PHACTR3: variants seen among roughly 807,000 people sequenced by gnomAD.
PHACTR3 encodes protein phosphatase 1, regulatory subunit 123.
A neutral mutation model predicts 66.8 loss-of-function variants in PHACTR3; 16 were observed. That is an observed-to-expected ratio of 0.24 (90% confidence interval 0.16 to 0.36). The LOEUF is 0.36. PHACTR3 is among the 10% of genes least tolerant of loss of function. The pLI, the probability that PHACTR3 is intolerant of heterozygous loss-of-function variation, is 1.00. For synonymous variants in PHACTR3, 323 were observed against 292.1 expected (o/e 1.11, Z -1.08); for missense variants, 647 against 719.9 (o/e 0.90, Z 1.16).
At chr20:59,748,035 C>A (rs893563185) in intron 3 of PHACTR3, among the ~76,000 whole-genome samples, 200 bp downstream of exon 3, 1 of 152,204 alleles carries the variant, frequency 6.6e-6, no homozygotes, top group African/African-American at 2.4e-5. Context: ...ACGGGAGACC[C>A]CATTACTGAG....
intron 1 of PHACTR3, among the ~76,000 whole-genome samples, chr20:59,689,413 AGTT>A (rs1203044198): frequency 1.3e-5 from 2 of 152,150 alleles, no homozygotes; most frequent in African/African-American, 4.8e-5. Flanking sequence ...GGGGCTGAGG[AGTT>A]GTTGAGTCCT....
chr20:59,713,573 T>C (rs1022757706), intron 1 of PHACTR3, among the ~76,000 whole-genome samples: 3 of 152,224 alleles, frequency 2.0e-5, no homozygotes, highest in East Asian at 1.9e-4. Flanking sequence ...GATTGGTCCA[T>C]GTTACCGGGT....
At chr20:59,802,373 G>A (rs762214429) in intron 7 of PHACTR3, among the ~76,000 whole-genome samples, 2 of 152,218 alleles carry the variant, frequency 1.3e-5, no homozygotes, top group Admixed American at 1.3e-4. Flanking sequence ...AGCCAGCAAA[G>A]TAAACTGAGA....
At chr20:59,585,365 T>C (rs923296579) in intron 1 of PHACTR3, among the ~76,000 whole-genome samples, 2 of 152,182 alleles carry the variant, frequency 1.3e-5, no homozygotes, top group Non-Finnish European at 2.9e-5. Context: ...GACTCTCAGA[T>C]GCTTGTGCCT....
chr20:59,802,362 G>A (rs2041438366), intron 7 of PHACTR3, among the ~76,000 whole-genome samples: 1 of 152,214 alleles, frequency 6.6e-6, no homozygotes, highest in South Asian at 2.1e-4. Flanking sequence ...AGATGATGAA[G>A]AGCCAGCAAA....
At chr20:59,618,220 G>A (rs948826345) in intron 1 of PHACTR3, among the ~76,000 whole-genome samples, 1 of 152,230 alleles carries the variant, frequency 6.6e-6, no homozygotes, top group Admixed American at 6.5e-5. Context: ...AGTATGGCGG[G>A]ATGGGGCTGC....
At chr20:59,838,056 A>G (rs1962552577) in intron 9 of PHACTR3, among the ~76,000 whole-genome samples, 1 of 152,220 alleles carries the variant, frequency 6.6e-6, no homozygotes, top group South Asian at 2.1e-4. Context: ...CCTTCAGTGC[A>G]TGAAAGGGAA....
chr20:59,834,589 A>C (rs1001126531), intron 8 of PHACTR3, among the ~76,000 whole-genome samples: 1 of 152,142 alleles, frequency 6.6e-6, no homozygotes, highest in African/African-American at 2.4e-5. Context: ...GCCTGCCTTG[A>C]TTACCCACCC....
At chr20:59,772,469 C>T (rs368177775) in intron 5 of PHACTR3, among the ~76,000 whole-genome samples, 1 of 152,088 alleles carries the variant, frequency 6.6e-6, no homozygotes, top group South Asian at 2.1e-4. Context: ...GGCTCAGGTC[C>T]CAGGGGACAG....
At chr20:59,737,152 A>G (rs1414781332) in intron 1 of PHACTR3, among the ~76,000 whole-genome samples, 1 of 152,054 alleles carries the variant, frequency 6.6e-6, no homozygotes, top group African/African-American at 2.4e-5. Context: ...CCTGTCTTGG[A>G]CAGCCTGCCC....
chr20:59,702,683 C>T (rs955418430), intron 1 of PHACTR3, among the ~76,000 whole-genome samples: 4 of 152,204 alleles, frequency 2.6e-5, no homozygotes, highest in African/African-American at 9.7e-5. Flanking sequence ...GTGCCTGGGG[C>T]CTCACAGAAT....
chr20:59,827,620 C>A (rs909379223), intron 8 of PHACTR3, among the ~76,000 whole-genome samples: 3 of 152,086 alleles, frequency 2.0e-5, no homozygotes, highest in Non-Finnish European at 4.4e-5. Context: ...AGGTGGAGGA[C>A]AAGAGACACT....
intron 3 of PHACTR3, among the ~76,000 whole-genome samples, chr20:59,751,475 C>T (rs867272892): frequency 6.6e-6 from 1 of 151,984 alleles, no homozygotes; most frequent in African/African-American, 2.4e-5. Flanking sequence ...CATGTATGCA[C>T]ACACACATGT....
chr20:59,720,299 T>C (rs558956328), intron 1 of PHACTR3, among the ~76,000 whole-genome samples: 1 of 152,168 alleles, frequency 6.6e-6, no homozygotes, highest in Non-Finnish European at 1.5e-5. Context: ...CCATAATACA[T>C]GATCAATAAA....
chr20:59,761,305 C>T (rs1263200327), intron 4 of PHACTR3, among the ~76,000 whole-genome samples: 1 of 152,082 alleles, frequency 6.6e-6, no homozygotes, highest in Non-Finnish European at 1.5e-5. Flanking sequence ...TCCCAGCTAC[C>T]CCTGGGGCCT....
At chr20:59,593,917 T>C (rs2146315917) in intron 1 of PHACTR3, among the ~76,000 whole-genome samples, 1 of 152,356 alleles carries the variant, frequency 6.6e-6, no homozygotes, top group African/African-American at 2.4e-5. Flanking sequence ...TTATAGTAAG[T>C]CTTAAAGTCG....
intron 3 of PHACTR3, 67 bp downstream of exon 3, chr20:59,747,902 T>A: frequency 6.6e-7 from 1 of 1,523,712 alleles, no homozygotes; most frequent in South Asian, 1.1e-5. Flanking sequence ...AAGTCTCACA[T>A]GAGCCCAGGA....
intron 1 of PHACTR3, among the ~76,000 whole-genome samples, chr20:59,709,416 C>G (rs540720868): frequency 6.6e-6 from 1 of 152,196 alleles, no homozygotes; most frequent in East Asian, 1.9e-4. Flanking sequence ...CTAAACCACC[C>G]TTTGCCAGTT....
intron 1 of PHACTR3, among the ~76,000 whole-genome samples, chr20:59,661,997 T>C (rs1228341814): frequency 1.3e-5 from 2 of 152,260 alleles, no homozygotes; most frequent in East Asian, 3.9e-4. Context: ...GGTGGAATAT[T>C]GTATTCGGTG....
Sources: gnomAD v4.1 joint callset for allele counts (sites outside exome capture counted in the v4.1 genomes callset) on GRCh38, gnomAD v4.1.1 for gene constraint, MANE v1.5 for transcripts, NCBI Gene and HGNC (gene_info 2026-07-23, HGNC 2026-07-21) for gene names.